Variants in HIVEP3 observed in about 807,000 individuals in gnomAD.
HIVEP3 encodes the protein transcription factor HIVEP3.
In HIVEP3, 49 loss-of-function variants were observed where a neutral mutation model predicts 152.8. The observed-to-expected ratio is 0.32, with a 90% CI of 0.26 to 0.41. The LOEUF is 0.41. Among genes scored for constraint, HIVEP3 ranks in the 10% least tolerant of loss-of-function variants. The pLI is 1.00. For synonymous variants in HIVEP3, 1,269 were observed against 1,289.0 expected, an observed-to-expected ratio of 0.98 and a Z score of 0.33; for missense variants, 2,790 against 3,103.3, an observed-to-expected ratio of 0.90 and a Z score of 2.40.
chr1:41,967,218 C>T (rs1645204286), intron 1 of HIVEP3, among the ~76,000 whole-genome samples: 1 of 152,128 alleles, frequency 6.6e-6, no homozygotes, highest in South Asian at 2.1e-4. Context: ...CTTCAGTACT[C>T]CCCACCCAAA....
intron 1 of HIVEP3, among the ~76,000 whole-genome samples, chr1:41,902,919 G>A (rs973630499): frequency 6.6e-6 from 1 of 152,160 alleles, no homozygotes; most frequent in African/African-American, 2.4e-5. Flanking sequence ...GGGTGTGAAC[G>A]TAGCACAGCT....
chr1:41,736,679 G>T (rs971128520), intron 1 of HIVEP3, among the ~76,000 whole-genome samples: 3 of 152,162 alleles, frequency 2.0e-5, no homozygotes, highest in African/African-American at 7.2e-5. Context: ...GCTTCCCTCC[G>T]CAAACTTTCA....
chr1:41,877,709 T>C (rs937327469), intron 1 of HIVEP3, among the ~76,000 whole-genome samples: 13 of 152,090 alleles, frequency 8.5e-5, no homozygotes, highest in African/African-American at 2.9e-4. Flanking sequence ...AGGAGACCCA[T>C]ATTAAATAAT....
intron 1 of HIVEP3, among the ~76,000 whole-genome samples, chr1:41,846,622 C>G (rs954160118): frequency 6.6e-6 from 1 of 152,202 alleles, no homozygotes; most frequent in Non-Finnish European, 1.5e-5. Flanking sequence ...TTCCTTGGGA[C>G]TTTCAGATTT....
Position 41,664,676 on chromosome 1 carries a change from G to A in HIVEP3, c.-720-35729C>T, listed in dbSNP as rs938956153. On this transcript the variant is annotated intron_variant, in intron 2 of 8. Transcript: ENST00000372583. This position sits in a 1 kb window ranked among gnomAD's most constrained non-coding sequence, Gnocchi z 4.4. Reference sequence around the variant, plus strand: ...TAAGACAAACTAACCAGAGGACGGGGGAGAATTTACCCAACCCAGAACAGT... The same window carrying A: ...TAAGACAAACTAACCAGAGGACGGGAGAGAATTTACCCAACCCAGAACAGT... 3.3e-5 allele frequency among the ~76,000 whole-genome samples: 5 copies of A among 152,180 alleles called. No individual in the cohort carries two copies. The highest frequency in any genetic ancestry group is 1.2e-4 in the African/African-American group (5 of 41,444).
At chr1:41,978,008 G>T (rs528606499) in intron 1 of HIVEP3, among the ~76,000 whole-genome samples, 21 of 152,264 alleles carry the variant, frequency 1.4e-4, no homozygotes, top group Admixed American at 7.8e-4. Context: ...CGTAATAAAA[G>T]AACTGAATAG....
chr1:41,971,943 C>T lies in HIVEP3; in HGVS notation n.120-53419G>A, dbSNP rs148123156. On this transcript the variant is annotated intron_variant and non_coding_transcript_variant, in intron 1 of 3. Transcript: ENST00000489103. The stretch of plus-strand genomic sequence containing the variant: ...CACGGTGTTCCTGCCCTCCAGAGGA[C>T]GCAGCAACATGTTGCCATCTTGGAG... Among the ~76,000 whole-genome samples the T allele has an allele frequency of 3.1e-4, 47 of 152,260 alleles. 2 individuals are homozygous for T. In the East Asian group the frequency reaches 8.9e-3, roughly 29 times the overall value.
At chr1:41,641,505 C>T (rs1179514885) in intron 2 of HIVEP3, among the ~76,000 whole-genome samples, 2 of 152,208 alleles carry the variant, frequency 1.3e-5, no homozygotes, top group African/African-American at 4.8e-5. Flanking sequence ...AAAGGCTGTG[C>T]CAAAGGAAAT....
intron 1 of HIVEP3, among the ~76,000 whole-genome samples, chr1:41,758,099 C>T (rs61773728): frequency 0.48 from 73,405 of 151,886 alleles, 20,148 homozygotes; most frequent in Non-Finnish European, 0.63. Context: ...GGAGAATGTG[C>T]TGTGGAGATC....
rs1461367397 is a variant in HIVEP3 at position 41,581,924 on chromosome 1, C to T, written c.2874G>A (p.Glu958=). 2 of 1,614,106 alleles carry T rather than the reference C, an allele frequency of 1.2e-6. No homozygotes were observed. Among genetic ancestry groups the T allele is most frequent in the Non-Finnish European group, 8.5e-7 (1 of 1,180,014 alleles). ...GCATGTCAGATGAGGGACTGGGGGCCTCGGCTTTCCCATGGTCATCCCTCT... is the reference window on the plus strand; with the variant it reads ...GCATGTCAGATGAGGGACTGGGGGCTTCGGCTTTCCCATGGTCATCCCTCT... ...SFERDDHGKA[E]APSPSSDMRP... Residue 958 remains glutamate (E), a synonymous_variant, in exon 4 of 9, where the codon GAG becomes GAA. Coordinates refer to ENST00000372583, the MANE Select transcript of HIVEP3 (RefSeq NM_024503.5). This position sits in a 1 kb window ranked among gnomAD's most constrained non-coding sequence, Gnocchi z 4.5.
chr1:41,622,557 A>G (rs1645061692), intron 3 of HIVEP3, among the ~76,000 whole-genome samples: 1 of 152,164 alleles, frequency 6.6e-6, no homozygotes, highest in African/African-American at 2.4e-5. Flanking sequence ...TTTACATATT[A>G]TCTGTGGTTG....
chr1:41,927,598 T>C (rs1020447269), intron 1 of HIVEP3, among the ~76,000 whole-genome samples: 3 of 152,192 alleles, frequency 2.0e-5, no homozygotes, highest in Non-Finnish European at 4.4e-5. Context: ...CCTCTCTACA[T>C]ATCTACCTTT....
chr1:41,778,422 C>G (rs1282835802), intron 1 of HIVEP3, among the ~76,000 whole-genome samples: 1 of 152,228 alleles, frequency 6.6e-6, no homozygotes, highest in African/African-American at 2.4e-5. Context: ...AGTCCTCTGG[C>G]TACCACGGGT....
At chr1:41,817,118 T>C (rs1256796637) in intron 1 of HIVEP3, among the ~76,000 whole-genome samples, 2 of 152,186 alleles carry the variant, frequency 1.3e-5, no homozygotes, top group Admixed American at 6.5e-5. Context: ...ACTTAACACA[T>C]AGTAGGCATT....
chr1:41,974,572 C>T (rs1645249528), intron 1 of HIVEP3, among the ~76,000 whole-genome samples: 1 of 151,690 alleles, frequency 6.6e-6, no homozygotes, highest in South Asian at 2.1e-4. Flanking sequence ...AGCTGTGAAG[C>T]TCTTTGTCTC....
chr1:41,548,139 C>T (rs1421192815), intron 5 of HIVEP3, among the ~76,000 whole-genome samples: 4 of 152,160 alleles, frequency 2.6e-5, no homozygotes, highest in Admixed American at 1.3e-4. Flanking sequence ...AATCAATGGC[C>T]TCATGTGCAA....
intron 2 of HIVEP3, among the ~76,000 whole-genome samples, chr1:41,635,915 C>G (rs1478910349): frequency 1.3e-5 from 2 of 152,038 alleles, no homozygotes; most frequent in Non-Finnish European, 2.9e-5. Context: ...CCTAGGTAGA[C>G]TCTAATAACT....
At chr1:41,797,978 A>G (rs1410275899) in intron 1 of HIVEP3, among the ~76,000 whole-genome samples, 1 of 150,636 alleles carries the variant, frequency 6.6e-6, no homozygotes, top group African/African-American at 2.5e-5. Context: ...GACTCCATCT[A>G]AAAAAAAACA....
At chr1:41,792,698 A>T (rs1649771442) in intron 1 of HIVEP3, among the ~76,000 whole-genome samples, 1 of 152,248 alleles carries the variant, frequency 6.6e-6, no homozygotes, top group African/African-American at 2.4e-5. Context: ...TCCCTCTAGC[A>T]GTGACCTTGA....
Sources: allele counts gnomAD v4.1 joint callset (sites outside exome capture counted in the v4.1 genomes callset), GRCh38; gene constraint gnomAD v4.1.1; non-coding constraint Gnocchi (gnomAD v3.1); transcripts MANE v1.5; gene names NCBI Gene and HGNC (gene_info 2026-07-23, HGNC 2026-07-21).